The following IL18RAP variants were observed in gnomAD, a reference collection of about 807,000 sequenced individuals.
IL18RAP encodes interleukin 18 receptor accessory protein, also known as interleukin-18 receptor accessory protein.
In IL18RAP, 37 loss-of-function variants were observed where a neutral mutation model predicts 58.1. That is an observed-to-expected ratio of 0.64 (90% confidence interval 0.49 to 0.84). The LOEUF is 0.84. Ranked by LOEUF, IL18RAP falls within the 40% of genes least tolerant of loss-of-function variation. The pLI is 0.00. For missense variants in IL18RAP, 667 were observed against 704.8 expected (o/e 0.95, Z 0.61); for synonymous variants, 268 against 257.5 (o/e 1.04, Z -0.39).
chr2:102,422,085 G>A (rs1024269543), upstream of IL18RAP, among the ~76,000 whole-genome samples: 7 of 152,144 alleles, frequency 4.6e-5, no homozygotes, highest in Non-Finnish European at 8.8e-5. Context: ...GTTCTTCCCC[G>A]CTTCCCACAT....
intron 4 of IL18RAP, chr2:102,440,026 C>T (rs1683000528): frequency 6.6e-6 from 1 of 152,220 alleles, no homozygotes; most frequent in Non-Finnish European, 1.5e-5. Context: ...CATACATCAG[C>T]AAGTGAATAT....
chr2:102,450,702 A>C (rs1341491318), intron 8 of IL18RAP, 146 bp from the exon 9 acceptor site: 1 of 494,296 alleles, frequency 2.0e-6, no homozygotes, highest in East Asian at 3.4e-5. Flanking sequence ...TATGATTTTG[A>C]AATGAATTTT....
chr2:102,431,247 T>C (rs1050530608), intron 3 of IL18RAP, among the ~76,000 whole-genome samples: 8 of 152,170 alleles, frequency 5.3e-5, no homozygotes, highest in Non-Finnish European at 7.4e-5. Flanking sequence ...ATCATCCCAC[T>C]CTCTCCTGGC....
intron 4 of IL18RAP, chr2:102,439,312 A>C (rs1325950007): frequency 6.6e-6 from 1 of 152,278 alleles, no homozygotes; most frequent in African/African-American, 2.4e-5. Context: ...GCTGATAGGG[A>C]TCTGAACTAG....
At chr2:102,442,806 T>C (rs938692475) in intron 5 of IL18RAP, among the ~76,000 whole-genome samples, 3 of 152,216 alleles carry the variant, frequency 2.0e-5, no homozygotes, top group African/African-American at 7.2e-5. Flanking sequence ...AAACAAATAT[T>C]GGATAGTAAA....
intron 6 of IL18RAP, among the ~76,000 whole-genome samples, chr2:102,443,632 T>C (rs11465711): frequency 0.072 from 10,930 of 152,206 alleles, 529 homozygotes; most frequent in Middle Eastern, 0.23. Context: ...CTGCTTACCC[T>C]CACTCTGCTT....
chr2:102,424,238 T>G lies in IL18RAP; in HGVS notation c.403T>G (p.Tyr135Asp). Residue 135 changes from tyrosine (Y) to aspartate (D), a missense_variant, in exon 3 of 10, where the codon TAT becomes GAT. Tyr to Asp is a radical substitution (Grantham distance 160). Coordinates refer to ENST00000687160, the MANE Select transcript of IL18RAP (RefSeq NM_001393487.1). ...ICRPKMIKSP[Y>D]DVACCVKMIL... The stretch of plus-strand genomic sequence containing the variant: ...ATCTTGTTAATTTCCTAGGAGCCCC[T>G]ATGATGTAGCCTGTTGTGTCAAGAT... 6.2e-7 allele frequency: 1 copy of G among 1,613,952 alleles called. No homozygotes were observed. Among genetic ancestry groups the G allele is most frequent in the Non-Finnish European group, 8.5e-7 (1 of 1,179,906 alleles).
chr2:102,443,795 C>T (rs888564442), intron 6 of IL18RAP, among the ~76,000 whole-genome samples: 4 of 152,260 alleles, frequency 2.6e-5, no homozygotes, highest in Admixed American at 6.5e-5. Flanking sequence ...AGCAACTTAA[C>T]CCCGAAAAAG....
intron 3 of IL18RAP, among the ~76,000 whole-genome samples, chr2:102,427,230 C>T (rs1417507494): frequency 6.6e-6 from 1 of 152,068 alleles, no homozygotes; most frequent in Non-Finnish European, 1.5e-5. Context: ...GTAGTTAACC[C>T]TTTGCCATAC....
intron 8 of IL18RAP, among the ~76,000 whole-genome samples, chr2:102,449,676 C>T (rs188437459): frequency 9.9e-5 from 15 of 152,190 alleles, no homozygotes; most frequent in Admixed American, 3.9e-4. Context: ...TCTGGAGGAC[C>T]TCAGAGATCA....
At chr2:102,431,246 C>T (rs933375444) in intron 3 of IL18RAP, among the ~76,000 whole-genome samples, 3 of 152,138 alleles carry the variant, frequency 2.0e-5, no homozygotes, top group Non-Finnish European at 4.4e-5. Context: ...TATCATCCCA[C>T]TCTCTCCTGG....
chr2:102,423,547 T>C (rs1681717920), intron 1 of IL18RAP, among the ~76,000 whole-genome samples, 200 bp downstream of exon 1: 1 of 152,170 alleles, frequency 6.6e-6, no homozygotes, highest in African/African-American at 2.4e-5. Flanking sequence ...GTTACTGTAG[T>C]TGAGTGTTCA....
chr2:102,451,509 C>T (rs1683764616), intron 9 of IL18RAP, among the ~76,000 whole-genome samples: 1 of 152,218 alleles, frequency 6.6e-6, no homozygotes, highest in African/African-American at 2.4e-5. Context: ...CCCATTATCC[C>T]AGCTTACCTA....
intron 3 of IL18RAP, among the ~76,000 whole-genome samples, chr2:102,426,364 GGA>G: frequency 6.6e-6 from 1 of 152,066 alleles, no homozygotes; most frequent in Admixed American, 6.6e-5. Context: ...CCCTGGGCTT[GGA>G]GTCTCTGGAG....
upstream of IL18RAP, among the ~76,000 whole-genome samples, chr2:102,419,242 T>A (rs1196727386): frequency 6.6e-6 from 1 of 152,222 alleles, no homozygotes; most frequent in Admixed American, 6.5e-5. Context: ...CATTTAAACT[T>A]AACTGTAACA....
chr2:102,443,440 A>G, intron 6 of IL18RAP, 117 bp downstream of exon 6: 2 of 1,224,864 alleles, frequency 1.6e-6, no homozygotes, highest in Non-Finnish European at 2.3e-6. Context: ...TAGTGGTGAA[A>G]ATAAAAGCAC....
At position 102,450,969 on chromosome 2, in the gene IL18RAP, C is replaced by A. The variant is rs1202808248; in HGVS notation, c.1332C>A (p.Asn444Lys). ...ALSLFPDVLE[N>K]KYGYSLCLLE... ...GCCTATTTCCTGATGTTTTAGAAAA[C>A]AAATATGGATATAGCCTGTGTTTGC... The change falls in exon 9 of 10, where the codon AAC (asparagine) becomes AAA (lysine). Residue 444 changes from asparagine (N) to lysine (K), a missense_variant. By Grantham distance (94) the Asn-to-Lys change is moderately conservative. Coordinates refer to ENST00000687160, the MANE Select transcript of IL18RAP (RefSeq NM_001393487.1). 1 of 1,611,326 alleles carries A rather than the reference C, an allele frequency of 6.2e-7. No homozygotes were observed. Among genetic ancestry groups the A allele is most frequent in the Non-Finnish European group, 8.5e-7 (1 of 1,178,940 alleles).
intron 3 of IL18RAP, among the ~76,000 whole-genome samples, chr2:102,427,424 G>T (rs1383452242): frequency 6.6e-6 from 1 of 152,058 alleles, no homozygotes; most frequent in Admixed American, 6.5e-5. Context: ...CAAGTGTGAG[G>T]TGATATGTCA....
upstream of IL18RAP, among the ~76,000 whole-genome samples, chr2:102,420,409 C>G (rs369678939): frequency 1.3e-5 from 2 of 152,148 alleles, no homozygotes; most frequent in African/African-American, 4.8e-5. Context: ...TTCTTATAAT[C>G]AAGATGATTT....
Sources: allele counts gnomAD v4.1 joint callset (sites outside exome capture counted in the v4.1 genomes callset), GRCh38; gene constraint gnomAD v4.1.1; transcripts MANE v1.5; gene names NCBI Gene and HGNC (gene_info 2026-07-23, HGNC 2026-07-21).